The following TAFA5 variants were observed in gnomAD, a reference collection of about 807,000 sequenced individuals.
TAFA5 encodes the protein chemokine-like protein TAFA-5.
A neutral mutation model predicts 15.3 loss-of-function variants in TAFA5; 6 were observed. The ratio of observed to expected loss-of-function variants is 0.39; its 90% confidence interval spans 0.21 to 0.77. The LOEUF (loss-of-function observed/expected upper bound fraction) is 0.77. TAFA5 is among the 30% of genes least tolerant of loss of function. TAFA5 has a pLI of 0.41. For synonymous variants in TAFA5, 103 were observed against 80.7 expected (o/e 1.28, Z -1.48); for missense variants, 161 against 193.1 (o/e 0.83, Z 0.98).
At chr22:48,574,986 G>A (rs1223746129) in intron 1 of TAFA5, among the ~76,000 whole-genome samples, 1 of 152,232 alleles carries the variant, frequency 6.6e-6, no homozygotes, top group African/African-American at 2.4e-5. Flanking sequence ...GCTGGCTGGA[G>A]GGTGGTACAC....
chr22:48,588,874 A>T (rs1371427184), intron 1 of TAFA5, among the ~76,000 whole-genome samples: 1 of 152,072 alleles, frequency 6.6e-6, no homozygotes, highest in East Asian at 1.9e-4. Flanking sequence ...TTCCCTGGGT[A>T]TATTTAGAAG....
At chr22:48,567,122 G>C (rs1923434187) in intron 1 of TAFA5, among the ~76,000 whole-genome samples, 1 of 152,244 alleles carries the variant, frequency 6.6e-6, no homozygotes, top group Admixed American at 6.5e-5. Flanking sequence ...GGAACATCTT[G>C]AATTCGCTTT....
intron 2 of TAFA5, among the ~76,000 whole-genome samples, chr22:48,667,634 T>A (rs1927662193): frequency 6.6e-6 from 1 of 152,186 alleles, no homozygotes; most frequent in Non-Finnish European, 1.5e-5. Context: ...CCTGGTTAAT[T>A]CAATTTCTCT....
chr22:48,504,128 C>T (rs766724191), intron 1 of TAFA5, among the ~76,000 whole-genome samples: 4 of 152,182 alleles, frequency 2.6e-5, no homozygotes, highest in Non-Finnish European at 4.4e-5. Context: ...TTGGCTCCAC[C>T]GAGCTTTAGG....
At chr22:48,682,627 A>G (rs1349788288) in intron 2 of TAFA5, among the ~76,000 whole-genome samples, 3 of 152,166 alleles carry the variant, frequency 2.0e-5, no homozygotes, top group African/African-American at 7.2e-5. Context: ...CTGTATTGAC[A>G]AAACCCTGAC....
At chr22:48,619,255 T>A (rs1454736609) in intron 1 of TAFA5, among the ~76,000 whole-genome samples, 1 of 152,064 alleles carries the variant, frequency 6.6e-6, no homozygotes, top group African/African-American at 2.4e-5. Flanking sequence ...GCCGTCAGGG[T>A]TGGATCTGTC....
chr22:48,585,879 CA>C (rs905410501), intron 1 of TAFA5, among the ~76,000 whole-genome samples: 13 of 152,152 alleles, frequency 8.5e-5, no homozygotes, highest in African/African-American at 2.9e-4. Flanking sequence ...ACACCACATG[CA>C]TGTTATACAC....
In TAFA5 at chr22:48,519,201, C is replaced by T. The variant is rs1047436516; in HGVS notation, c.112+29497C>T. Among the ~76,000 whole-genome samples the T allele has an allele frequency of 5.3e-5, 8 of 152,322 alleles. No individual in the cohort carries two copies. In the Middle Eastern group the frequency reaches 0.01, roughly 194 times the overall value. On this transcript the variant is annotated intron_variant, in intron 1 of 3. Coordinates refer to ENST00000402357, the MANE Select transcript of TAFA5 (RefSeq NM_001082967.3). Reference sequence around the variant, plus strand: ...GCTTTCTCAGCCGATGCTTAGTGTACTGATACATGATGTCAAAAGGTAAAT... The same window carrying T: ...GCTTTCTCAGCCGATGCTTAGTGTATTGATACATGATGTCAAAAGGTAAAT...
At chr22:48,690,681 T>A (rs187912728) in intron 2 of TAFA5, among the ~76,000 whole-genome samples, 1 of 152,238 alleles carries the variant, frequency 6.6e-6, no homozygotes, top group South Asian at 2.1e-4. Flanking sequence ...CTCTGTAGTG[T>A]AGCATCTTGG....
intron 1 of TAFA5, among the ~76,000 whole-genome samples, chr22:48,623,482 G>A (rs957801067): frequency 8.5e-5 from 13 of 152,212 alleles, no homozygotes; most frequent in African/African-American, 1.9e-4. Context: ...GACGCAGCCC[G>A]TGATGTGTTT....
chr22:48,699,962 A>G (rs372370291), intron 2 of TAFA5, among the ~76,000 whole-genome samples: 9 of 152,044 alleles, frequency 5.9e-5, no homozygotes, highest in East Asian at 5.8e-4. Flanking sequence ...TCCTGTTGGA[A>G]TTTACACGGG....
intron 1 of TAFA5, among the ~76,000 whole-genome samples, chr22:48,634,952 G>GA (rs1257286838): frequency 1.3e-5 from 2 of 152,176 alleles, no homozygotes; most frequent in Non-Finnish European, 2.9e-5. Context: ...CACCAAAGAG[G>GA]AAAAGCAAGT....
chr22:48,696,220 G>A (rs1046231895), intron 2 of TAFA5, among the ~76,000 whole-genome samples: 1 of 152,212 alleles, frequency 6.6e-6, no homozygotes, highest in African/African-American at 2.4e-5. Context: ...AGCCACCCGG[G>A]CCTGAGCTCT....
At chr22:48,654,149 G>A (rs1030353509) in intron 2 of TAFA5, among the ~76,000 whole-genome samples, 3 of 152,122 alleles carry the variant, frequency 2.0e-5, no homozygotes, top group African/African-American at 7.2e-5. Flanking sequence ...ACCTGGCTCT[G>A]CTCCCTCCCT....
At chr22:48,568,716 T>A (rs1923485878) in intron 1 of TAFA5, among the ~76,000 whole-genome samples, 1 of 152,166 alleles carries the variant, frequency 6.6e-6, no homozygotes, top group African/African-American at 2.4e-5. Flanking sequence ...GTCACAACGG[T>A]GGCTGGAGCT....
At chr22:48,582,276 C>T (rs139692327) in intron 1 of TAFA5, among the ~76,000 whole-genome samples, 36 of 152,126 alleles carry the variant, frequency 2.4e-4, no homozygotes, top group African/African-American at 8.7e-4. Context: ...ACACACTACA[C>T]ACCATATGCT....
intron 1 of TAFA5, among the ~76,000 whole-genome samples, chr22:48,526,085 G>C (rs1387023345): frequency 6.6e-6 from 1 of 152,202 alleles, no homozygotes; most frequent in Non-Finnish European, 1.5e-5. Flanking sequence ...TCACTGCCAG[G>C]GGAGCCAGTG....
chr22:48,665,629 T>C (rs1927584502), intron 2 of TAFA5, among the ~76,000 whole-genome samples: 1 of 152,214 alleles, frequency 6.6e-6, no homozygotes, highest in Non-Finnish European at 1.5e-5. Context: ...CAACATCATT[T>C]ATTGAAAAGT....
chr22:48,545,140 T>C (rs1326891422), intron 1 of TAFA5: 1 of 345,644 alleles, frequency 2.9e-6, no homozygotes, highest in East Asian at 7.5e-5. Flanking sequence ...GAAAGTGGAC[T>C]GTATTTGTGG....
Sources: gnomAD v4.1 joint callset for allele counts (sites outside exome capture counted in the v4.1 genomes callset) on GRCh38, gnomAD v4.1.1 for gene constraint, MANE v1.5 for transcripts, NCBI Gene and HGNC (gene_info 2026-07-23, HGNC 2026-07-21) for gene names.